DHX16: variants seen among roughly 807,000 people sequenced by gnomAD.
DHX16 encodes the protein pre-mRNA-splicing factor ATP-dependent RNA helicase DHX16.
DHX16 carries 81 observed loss-of-function variants against 131.2 expected under a neutral mutation model. The observed-to-expected ratio is 0.62, with a 90% CI of 0.52 to 0.74. DHX16 has a LOEUF of 0.74. Ranked by LOEUF, DHX16 falls within the 30% of genes least tolerant of loss-of-function variation. DHX16 has a pLI of 0.00. For synonymous variants in DHX16, 440 were observed against 520.2 expected, an observed-to-expected ratio of 0.85 and a Z score of 2.10; for missense variants, 980 against 1,363.1, an observed-to-expected ratio of 0.72 and a Z score of 4.43.
chr6:30,656,841 G>C lies in DHX16; in HGVS notation c.2149-82C>G. 2 of 1,596,862 alleles carry C rather than the reference G, an allele frequency of 1.3e-6. No individual in the cohort carries two copies. On this transcript the variant is annotated intron_variant, in intron 13 of 19. Coordinates refer to ENST00000376442, the MANE Select transcript of DHX16 (RefSeq NM_003587.5). This position sits in a 1 kb window ranked among gnomAD's most constrained non-coding sequence, Gnocchi z 5.1. ...AGTATTTATGCAAGAAATCTGGAAGGATGCAAACTGCTCATCCCGGTTCCC... is the reference window on the plus strand; with the variant it reads ...AGTATTTATGCAAGAAATCTGGAAGCATGCAAACTGCTCATCCCGGTTCCC...
rs1296477871 is a variant in DHX16, at chr6:30,670,509, C to T, written c.610-43G>A. ...AATGGAGGGGTGTGAGGCCAAAGAG[C>T]CCCCACACTGACAGCTGCTCCCCTC... On this transcript the variant is annotated intron_variant, in intron 3 of 19. Coordinates refer to ENST00000376442, the MANE Select transcript of DHX16 (RefSeq NM_003587.5). The surrounding 1 kb of genome is among the most constrained non-coding windows in gnomAD (Gnocchi z 4.4). The T allele has an allele frequency of 1.3e-6, 2 of 1,579,950 alleles. No homozygotes were observed. The highest frequency in any genetic ancestry group is 1.1e-5 in the South Asian group (1 of 89,016).
rs531406624 is a variant in DHX16 at position 30,670,945 on chromosome 6, T to C, written c.454A>G (p.Lys152Glu). 9.7e-5 allele frequency: 157 copies of C among 1,613,082 alleles called. No individual in the cohort carries two copies. The South Asian group carries it at 1.1e-3, about 11-fold the overall frequency. Residue 152 changes from lysine (K) to glutamate (E), a missense_variant, in exon 3 of 20, where the codon AAA (lysine) becomes GAA (glutamate). Lys to Glu is a moderately conservative substitution (Grantham distance 56, BLOSUM62 1). Transcript: ENST00000376442. This position sits in a 1 kb window ranked among gnomAD's most constrained non-coding sequence, Gnocchi z 4.4. Reference sequence around the variant, plus strand: ...GACTCTGGCTTCTCTGTCTGCTGTTTACTCCCCCTGCAGCCCATCCAGGGG... The same window carrying C: ...GACTCTGGCTTCTCTGTCTGCTGTTCACTCCCCCTGCAGCCCATCCAGGGG... ...EKGKKKTGGS[K>E]QQTEKPESED...
In DHX16 at chr6:30,665,275, C is replaced by T. The variant is rs1045404045; in HGVS notation, c.922-1G>A. The T allele has an allele frequency of 1.2e-6, 2 of 1,601,928 alleles. No individual in the cohort carries two copies. Among genetic ancestry groups the T allele is most frequent in the African/African-American group, 2.7e-5 (2 of 74,912 alleles). ...CCACTAGATCCACAGCTCGGGCTGG[C>T]TACAGAGAGAGGGGATATGTGAAGA... On this transcript the variant is annotated splice_acceptor_variant, in intron 5 of 19. Transcript: ENST00000376442. LOFTEE classifies it high-confidence loss of function. The surrounding 1 kb of genome is among the most constrained non-coding windows in gnomAD (Gnocchi z 4.8).
rs1248126296 is a variant in DHX16, at chr6:30,660,235, T to A, written c.1552A>T (p.Met518Leu). The change falls in exon 10 of 20, where the codon ATG becomes TTG. Residue 518 changes from methionine (M) to leucine (L), a missense_variant. Met to Leu is a conservative substitution (Grantham distance 15). Coordinates refer to ENST00000376442, the MANE Select transcript of DHX16 (RefSeq NM_003587.5). Reference protein sequence around the residue: ...EPDLASYSVVMVDEAHERTLH... With the variant: ...EPDLASYSVVLVDEAHERTLH... ...GTCCTTTCGTGTGCCTCATCCACCA[T>A]CACCACGCTGGGGAGGGAATAGGAG... The A allele has an allele frequency of 6.5e-7, 1 of 1,527,502 alleles. No individual in the cohort carries two copies. The highest frequency in any genetic ancestry group is 2.1e-5 in the Admixed American group (1 of 48,080). The allele number at this position is 1,527,502 out of a possible 1,614,324, so 94.6% of individuals were successfully genotyped here. A position where few individuals can be genotyped will look rare whatever the true frequency, so the allele number is the denominator to read the frequency against.
chr6:30,664,527 C>T (rs950419912), intron 7 of DHX16, among the ~76,000 whole-genome samples: 6 of 150,258 alleles, frequency 4.0e-5, no homozygotes, highest in African/African-American at 1.2e-4. Context: ...AGTCCTTTAA[C>T]TCCTTGTTTT....
At chr6:30,666,188 T>C (rs1161280272) in intron 4 of DHX16, among the ~76,000 whole-genome samples, 1 of 152,146 alleles carries the variant, frequency 6.6e-6, no homozygotes, top group Admixed American at 6.6e-5. Flanking sequence ...CAGCCCCAGT[T>C]AGATGTTCTT....
In DHX16 at chr6:30,670,607, T is replaced by C; in HGVS notation, c.610-141A>G. 1 of 1,200,708 alleles carries C rather than the reference T, an allele frequency of 8.3e-7. No homozygotes were observed. The highest frequency in any genetic ancestry group is 1.2e-6 in the Non-Finnish European group (1 of 850,950). The allele number at this position is 1,200,708 out of a possible 1,614,324, so 74.4% of individuals were successfully genotyped here. A position where few individuals can be genotyped will look rare whatever the true frequency, so the allele number is the denominator to read the frequency against. On this transcript the variant is annotated intron_variant, in intron 3 of 19. Coordinates refer to ENST00000376442, the MANE Select transcript of DHX16 (RefSeq NM_003587.5). This position sits in a 1 kb window ranked among gnomAD's most constrained non-coding sequence, Gnocchi z 4.4. Reference sequence around the variant, plus strand: ...CCTCTCAGTGAGGAATCTCTCTGATTGCAGGTACAGCAGACAGTTGTCTTA... The same window carrying C: ...CCTCTCAGTGAGGAATCTCTCTGATCGCAGGTACAGCAGACAGTTGTCTTA...
At position 30,660,086 on chromosome 6, in the gene DHX16, G is replaced by A; in HGVS notation, c.1701C>T (p.Ala567=). The change falls in exon 10 of 20, where the codon GCC becomes GCT. Residue 567 remains alanine (A), a synonymous_variant. Transcript: ENST00000376442. ...TGCGTCCGGGGATTCGAAACACAGG[G>A]GCGTCATCAAAGAAGGTGGAAAAAC... is the stretch of plus-strand genomic sequence containing the variant. ...TARFSTFFDD[A]PVFRIPGRRF... The A allele has an allele frequency of 1.2e-6, 2 of 1,612,822 alleles. No homozygotes were observed. Among genetic ancestry groups the A allele is most frequent in the Non-Finnish European group, 1.7e-6 (2 of 1,179,914 alleles).
chr6:30,656,274 A>G lies in DHX16; in HGVS notation c.2431-9T>C, dbSNP rs1381340313. On this transcript the variant is annotated splice_polypyrimidine_tract_variant and intron_variant, in intron 15 of 19. Coordinates refer to ENST00000376442, the MANE Select transcript of DHX16 (RefSeq NM_003587.5). This position sits in a 1 kb window ranked among gnomAD's most constrained non-coding sequence, Gnocchi z 5.1. Reference sequence around the variant, plus strand: ...GCCATCTTTCGACCAGACTAAGGAGAAGAGAGAGAGAGTTGAGCCCAGTCC... The same window carrying G: ...GCCATCTTTCGACCAGACTAAGGAGGAGAGAGAGAGAGTTGAGCCCAGTCC... 5.0e-6 allele frequency: 8 copies of G among 1,613,554 alleles called. No individual in the cohort carries two copies. In the African/African-American group the frequency reaches 5.3e-5, roughly 11 times the overall value.
At chr6:30,668,085 G>C (rs979438239) in intron 4 of DHX16, among the ~76,000 whole-genome samples, 1 of 152,216 alleles carries the variant, frequency 6.6e-6, no homozygotes, top group Non-Finnish European at 1.5e-5. Context: ...AAGAATTACT[G>C]TTCAACTTCC....
chr6:30,670,439 T>G lies in DHX16; in HGVS notation c.637A>C (p.Lys213Gln). 6.2e-7 allele frequency: 1 copy of G among 1,611,614 alleles called. No homozygotes were observed. The highest frequency in any genetic ancestry group is 8.5e-7 in the Non-Finnish European group (1 of 1,179,298). ...GCCTTCCGGTCTTCCTCGGCCATCT[T>G]GAGGCGCTTCTGAGCCTCTTCATAA... ...KAYEEAQKRLKMAEEDRKAMV... is the reference protein window; with the variant it reads ...KAYEEAQKRLQMAEEDRKAMV... The change falls in exon 4 of 20, where the codon AAG becomes CAG. Residue 213 changes from lysine (K) to glutamine (Q), a missense_variant. Physicochemically the swap from Lys to Gln is moderately conservative, Grantham distance 53. Coordinates refer to ENST00000376442, the MANE Select transcript of DHX16 (RefSeq NM_003587.5). The surrounding 1 kb of genome is among the most constrained non-coding windows in gnomAD (Gnocchi z 4.4).
Position 30,665,046 on chromosome 6 carries a change from G to A in DHX16, c.1125+25C>T. On this transcript the variant is annotated intron_variant, in intron 6 of 19. Coordinates refer to ENST00000376442, the MANE Select transcript of DHX16 (RefSeq NM_003587.5). The surrounding 1 kb of genome is among the most constrained non-coding windows in gnomAD (Gnocchi z 4.8). ...AATAGCTCGCTACGGGTCTTCCTCA[G>A]AAAGTCTCCCAGCTCCCCTCTTACC... 6.2e-7 allele frequency: 1 copy of A among 1,613,868 alleles called. No homozygotes were observed. The highest frequency in any genetic ancestry group is 8.5e-7 in the Non-Finnish European group (1 of 1,179,870).
intron 2 of DHX16, 29 bp downstream of exon 2, chr6:30,671,007 C>T: frequency 6.2e-7 from 1 of 1,613,002 alleles, no homozygotes; most frequent in Non-Finnish European, 8.5e-7. Context: ...CAGCCTGCCC[C>T]ATCCTCTCTC....
chr6:30,670,388 C>T lies in DHX16; in HGVS notation c.666+22G>A. 1.2e-6 allele frequency: 2 copies of T among 1,601,454 alleles called. No individual in the cohort carries two copies. Among genetic ancestry groups the T allele is most frequent in the Non-Finnish European group, 1.7e-6 (2 of 1,173,034 alleles). ...CTTTCCTTTTGTCTTCTGATCTTGG[C>T]TCCCTAGGCCCTGGGACTCACCATG... On this transcript the variant is annotated intron_variant, in intron 4 of 19. Coordinates refer to ENST00000376442, the MANE Select transcript of DHX16 (RefSeq NM_003587.5). The surrounding 1 kb of genome is among the most constrained non-coding windows in gnomAD (Gnocchi z 4.4).
intron 16 of DHX16, 65 bp from the exon 17 acceptor site, chr6:30,655,662 G>C: frequency 6.4e-7 from 1 of 1,567,942 alleles, no homozygotes; most frequent in Non-Finnish European, 8.7e-7. Context: ...TGGTGGAGTG[G>C]GGAGTGATCA....
chr6:30,655,454 A>G lies in DHX16; in HGVS notation c.2642T>C (p.Leu881Pro). The G allele has an allele frequency of 6.2e-7, 1 of 1,613,726 alleles. No homozygotes were observed. The highest frequency in any genetic ancestry group is 1.1e-5 in the South Asian group (1 of 91,082). ...AGTGACCTGTGTGTAAACATTTAGC[A>G]GAACCAGGTGGTCACCGCCAGGGAG... Reference protein sequence around the residue: ...FFLPGGDHLVLLNVYTQWAES... With the variant: ...FFLPGGDHLVPLNVYTQWAES... Residue 881 changes from leucine to proline, a missense_variant, in exon 17 of 20, where the codon CTG (leucine) becomes CCG (proline). Transcript: ENST00000376442.
At chr6:30,671,874 G>C (rs1223257227) in intron 1 of DHX16, among the ~76,000 whole-genome samples, 3 of 151,194 alleles carry the variant, frequency 2.0e-5, no homozygotes, top group East Asian at 2.0e-4. Context: ...GTAGGACGAA[G>C]GTTTCGCCAT....
rs759514769 is a variant in DHX16, at chr6:30,655,263, C to T, written c.2735G>A (p.Arg912Gln). The T allele has an allele frequency of 5.6e-6, 9 of 1,614,068 alleles. No individual in the cohort carries two copies. Among genetic ancestry groups the T allele is most frequent in the East Asian group, 2.2e-5 (1 of 44,898 alleles). ...CCCTTCCAGCTGTTCCCGCACATCC[C>T]GGGCTCGGCGCATCGATCTGAACTG... ...FVQFRSMRRA[R>Q]DVREQLEGLL... Residue 912 changes from arginine to glutamine, a missense_variant, in exon 18 of 20, where the codon CGG becomes CAG. Physicochemically the swap from Arg to Gln is conservative, Grantham distance 43 (BLOSUM62 1). Coordinates refer to ENST00000376442, the MANE Select transcript of DHX16 (RefSeq NM_003587.5).
rs780515536 is a variant in DHX16, at chr6:30,655,616, A to C, written c.2499-19T>G. 4.3e-6 allele frequency: 7 copies of C among 1,612,834 alleles called. No individual in the cohort carries two copies. Among genetic ancestry groups the C allele is most frequent in the African/African-American group, 1.3e-5 (1 of 74,938 alleles). On this transcript the variant is annotated intron_variant, in intron 16 of 19. Transcript: ENST00000376442. ...GCTGTACCTGGGACAGGAAGGGGAA[A>C]GCATGAGTTCAAAGCAAGACACATA...
Sources: allele counts gnomAD v4.1 joint callset (sites outside exome capture counted in the v4.1 genomes callset), GRCh38; gene constraint gnomAD v4.1.1; non-coding constraint Gnocchi (gnomAD v3.1); transcripts MANE v1.5; gene names NCBI Gene and HGNC (gene_info 2026-07-23, HGNC 2026-07-21).